VGLL4: variants seen among roughly 807,000 people sequenced by gnomAD.
The protein encoded by VGLL4 is transcription cofactor vestigial-like protein 4.
A neutral mutation model predicts 21.0 loss-of-function variants in VGLL4; 7 were observed. The observed-to-expected ratio is 0.33, with a 90% CI of 0.19 to 0.63. The LOEUF (loss-of-function observed/expected upper bound fraction) is 0.63, where lower values mean the gene tolerates loss of function less well. Ranked by LOEUF, VGLL4 falls within the 20% of genes least tolerant of loss-of-function variation. The probability of loss-of-function intolerance (pLI) is 0.78; values close to 1 mark genes in which losing one functional copy is unlikely to be tolerated. For missense variants in VGLL4, 394 were observed against 425.7 expected (o/e 0.93, Z 0.66); for synonymous variants, 222 against 173.2 (o/e 1.28, Z -2.21).
At chr3:11,684,730 C>CTGTGTGTGTGTGTGTG (rs61220485) in intron 2 of VGLL4, among the ~76,000 whole-genome samples, 393 of 148,778 alleles carry the variant, frequency 2.6e-3, no homozygotes, top group Middle Eastern at 0.01. Flanking sequence ...CAACCTTTTT[C>CTGTGTGTGTGTGTGTG]TGTGTGTGTG....
chr3:11,584,181 A>G (rs1460732269), intron 2 of VGLL4, among the ~76,000 whole-genome samples: 1 of 152,272 alleles, frequency 6.6e-6, no homozygotes, highest in Non-Finnish European at 1.5e-5. Flanking sequence ...TTGACAGAGC[A>G]TCCTTAATAT....
In VGLL4 at chr3:11,565,608, G is replaced by A. The variant is rs1254990020; in HGVS notation, c.273-589C>T. Reference sequence around the variant, plus strand: ...ACTCCCAGCTGACATGTGGTGGCACGTGCTCTGGGGTTCCCGGGGTGCTGT... The same window carrying A: ...ACTCCCAGCTGACATGTGGTGGCACATGCTCTGGGGTTCCCGGGGTGCTGT... On this transcript the variant is annotated intron_variant, in intron 2 of 4. Coordinates refer to ENST00000430365, the MANE Select transcript of VGLL4 (RefSeq NM_001128219.3). The surrounding 1 kb of genome is among the most constrained non-coding windows in gnomAD (Gnocchi z 4.1). Among the ~76,000 whole-genome samples, 4 of 152,218 alleles carry A rather than the reference G, an allele frequency of 2.6e-5. No individual in the cohort carries two copies. The highest frequency in any genetic ancestry group is 4.4e-5 in the Non-Finnish European group (3 of 68,040).
chr3:11,611,016 GA>G (rs1322804101), intron 1 of VGLL4, among the ~76,000 whole-genome samples: 4 of 152,108 alleles, frequency 2.6e-5, no homozygotes, highest in Non-Finnish European at 4.4e-5. Context: ...ACTGGAAGTA[GA>G]AACCTGGGAT....
intron 2 of VGLL4, among the ~76,000 whole-genome samples, chr3:11,668,744 T>C (rs953022639): frequency 6.6e-6 from 1 of 152,236 alleles, no homozygotes; most frequent in African/African-American, 2.4e-5. Context: ...CAGGCTCTCT[T>C]GCACGTTTGG....
chr3:11,702,670 G>A (rs2076698452), intron 2 of VGLL4: 1 of 158,304 alleles, frequency 6.3e-6, no homozygotes, highest in South Asian at 1.8e-4. Flanking sequence ...TTAAATACCA[G>A]TACCCACACT....
intron 1 of VGLL4, among the ~76,000 whole-genome samples, chr3:11,708,573 G>A (rs1008602694): frequency 2.0e-5 from 3 of 151,962 alleles, no homozygotes; most frequent in Non-Finnish European, 2.9e-5. Context: ...TTTTAAGTCC[G>A]TGAAAAGTCC....
intron 2 of VGLL4, among the ~76,000 whole-genome samples, chr3:11,666,931 C>A (rs549752090): frequency 7.9e-5 from 12 of 152,352 alleles, no homozygotes; most frequent in African/African-American, 2.9e-4. Flanking sequence ...CAGGTTCCCC[C>A]TCTCCAGCCT....
At position 11,559,362 on chromosome 3, in the gene VGLL4, C is replaced by T. The variant is rs771714714; in HGVS notation, c.589G>A (p.Gly197Arg). ...GGTGGCCTCCGGTAGCTGGCAGGCC[C>T]GGGCGCGGCACAGCCGCTGTGCGCG... ...PIAHSGCAAP[G>R]PASYRRPPSA... Residue 197 changes from glycine to arginine, a missense_variant, in exon 4 of 5, where the codon GGG becomes AGG. Coordinates refer to ENST00000430365, the MANE Select transcript of VGLL4 (RefSeq NM_001128219.3). 129 of 1,550,708 alleles carry T rather than the reference C, an allele frequency of 8.3e-5. No homozygotes were observed. Among genetic ancestry groups the T allele is most frequent in the Non-Finnish European group, 1.0e-4 (115 of 1,147,236 alleles).
At chr3:11,607,609 T>C (rs1419281324) in intron 1 of VGLL4, among the ~76,000 whole-genome samples, 3 of 152,246 alleles carry the variant, frequency 2.0e-5, no homozygotes, top group African/African-American at 7.2e-5. Context: ...GTAGAAATGT[T>C]ACCTCTTCCT....
At chr3:11,668,569 T>C (rs2076160248) in intron 2 of VGLL4, among the ~76,000 whole-genome samples, 2 of 152,178 alleles carry the variant, frequency 1.3e-5, no homozygotes, top group South Asian at 4.1e-4. Flanking sequence ...GCCTATCCCA[T>C]GGCCAGAGTT....
At chr3:11,716,068 C>T (rs1224665135) in intron 1 of VGLL4, among the ~76,000 whole-genome samples, 1 of 151,908 alleles carries the variant, frequency 6.6e-6, no homozygotes, top group East Asian at 1.9e-4. Context: ...CTTTGGGAGG[C>T]CGAGGCAGGC....
Position 11,568,858 on chromosome 3 carries a change from CAG to C in VGLL4, c.273-3841_273-3840del. Reference sequence around the variant, plus strand: ...CTGAGTGGCTCCGTGCCAGGCCTATCAGAGCCGCTGAGGCTGCACGGCACCCG... The same window carrying C: ...CTGAGTGGCTCCGTGCCAGGCCTATCAGCCGCTGAGGCTGCACGGCACCCG... On this transcript the variant is annotated intron_variant, in intron 2 of 4. Coordinates refer to ENST00000430365, the MANE Select transcript of VGLL4 (RefSeq NM_001128219.3). This position sits in a 1 kb window ranked among gnomAD's most constrained non-coding sequence, Gnocchi z 5.9. 1 of 1,379,762 alleles carries C rather than the reference CAG, an allele frequency of 7.2e-7. No individual in the cohort carries two copies. Among genetic ancestry groups the C allele is most frequent in the Non-Finnish European group, 9.4e-7 (1 of 1,066,686 alleles). The allele number at this position is 1,379,762 out of a possible 1,614,324, so 85.5% of individuals were successfully genotyped here. A position where few individuals can be genotyped will look rare whatever the true frequency, so the allele number is the denominator to read the frequency against.
chr3:11,698,033 G>A (rs2076628528), intron 2 of VGLL4, among the ~76,000 whole-genome samples: 2 of 152,174 alleles, frequency 1.3e-5, no homozygotes, highest in Admixed American at 6.5e-5. Context: ...TCTAAGTGAG[G>A]AAGTCAGCGG....
intron 2 of VGLL4, among the ~76,000 whole-genome samples, chr3:11,587,285 G>A (rs1235525312): frequency 1.3e-5 from 2 of 152,184 alleles, no homozygotes; most frequent in Admixed American, 6.5e-5. Flanking sequence ...AATCCCTGCC[G>A]ATGAAGGAGC....
At chr3:11,695,769 C>T (rs970455035) in intron 2 of VGLL4, among the ~76,000 whole-genome samples, 1 of 151,728 alleles carries the variant, frequency 6.6e-6, no homozygotes, top group South Asian at 2.1e-4. Context: ...CGGATAGCAG[C>T]GAGCCACTCT....
intron 3 of VGLL4, among the ~76,000 whole-genome samples, chr3:11,562,813 A>AC (rs1317738930): frequency 6.6e-6 from 1 of 152,224 alleles, no homozygotes; most frequent in Non-Finnish European, 1.5e-5. Flanking sequence ...AGCTTGGGGT[A>AC]CCCCGTGGCC....
At chr3:11,627,437 G>T (rs2075376480) in intron 1 of VGLL4, 1 of 151,852 alleles carries the variant, frequency 6.6e-6, no homozygotes. Context: ...AAAATTAGCT[G>T]GGCGTGGGTT....
At chr3:11,563,406 C>T (rs550366371) in intron 3 of VGLL4, among the ~76,000 whole-genome samples, 28 of 152,368 alleles carry the variant, frequency 1.8e-4, no homozygotes, top group African/African-American at 6.7e-4. Context: ...GAGCAGTGAG[C>T]GGGTCCCTGT....
chr3:11,563,966 G>A (rs189567661), intron 3 of VGLL4, among the ~76,000 whole-genome samples: 9 of 152,258 alleles, frequency 5.9e-5, no homozygotes, highest in Non-Finnish European at 1.2e-4. Context: ...CCCCGGTGAG[G>A]CCACAGGGAC....
Sources: allele counts gnomAD v4.1 joint callset (sites outside exome capture counted in the v4.1 genomes callset), GRCh38; gene constraint gnomAD v4.1.1; non-coding constraint Gnocchi (gnomAD v3.1); transcripts MANE v1.5; gene names NCBI Gene and HGNC (gene_info 2026-07-23, HGNC 2026-07-21).